The following TAPT1 variants were observed in gnomAD, a reference collection of about 807,000 sequenced individuals.
TAPT1 encodes transmembrane anterior posterior transformation 1.
A neutral mutation model predicts 65.6 loss-of-function variants in TAPT1; 28 were observed. That is an observed-to-expected ratio of 0.43 (90% CI 0.32 to 0.59). The LOEUF is 0.59. Ranked by LOEUF, TAPT1 falls within the 20% of genes least tolerant of loss-of-function variation. The pLI is 0.09. For missense variants in TAPT1, 563 were observed against 679.9 expected (o/e 0.83, Z 1.91); for synonymous variants, 278 against 245.2 (o/e 1.13, Z -1.25).
At chr4:16,193,481 A>C (rs1749509559) in intron 3 of TAPT1, among the ~76,000 whole-genome samples, 1 of 152,128 alleles carries the variant, frequency 6.6e-6, no homozygotes, top group African/African-American at 2.4e-5. Flanking sequence ...CAGGGAACAA[A>C]GAATGTCCTT....
chr4:16,194,242 T>C (rs978512617), intron 3 of TAPT1, among the ~76,000 whole-genome samples: 1 of 152,222 alleles, frequency 6.6e-6, no homozygotes, highest in African/African-American at 2.4e-5. Flanking sequence ...AAACACCTAA[T>C]GCTACAATTC....
chr4:16,227,193 G>A (rs1354566767), upstream of TAPT1: 12 of 455,804 alleles, frequency 2.6e-5, no homozygotes, highest in South Asian at 1.2e-4. Flanking sequence ...GACGCGCAGG[G>A]GAGGGGCCGC....
At chr4:16,221,294 T>G (rs1423294244) in intron 1 of TAPT1, among the ~76,000 whole-genome samples, 2 of 151,528 alleles carry the variant, frequency 1.3e-5, no homozygotes, top group Non-Finnish European at 2.9e-5. Flanking sequence ...CCCAGCTAAT[T>G]TTTTGTATTT....
chr4:16,221,023 C>T lies in TAPT1; in HGVS notation c.199+5236G>A, dbSNP rs1181307770. Among the ~76,000 whole-genome samples the T allele has an allele frequency of 5.3e-5, 8 of 151,888 alleles. No individual in the cohort carries two copies. In the East Asian group the frequency reaches 7.8e-4, roughly 15 times the overall value. On this transcript the variant is annotated intron_variant, in intron 1 of 13. Coordinates refer to ENST00000405303, the MANE Select transcript of TAPT1 (RefSeq NM_153365.3). ...TGCTACGATTATAGGTGTGAGCTAC[C>T]GTGCCCAGCCGTCAACTGTGAATAT...
At chr4:16,203,169 A>G (rs574225028) in intron 2 of TAPT1, among the ~76,000 whole-genome samples, 13 of 152,266 alleles carry the variant, frequency 8.5e-5, no homozygotes, top group Non-Finnish European at 8.8e-5. Context: ...GTTTAGGACT[A>G]TATTTCACAG....
intron 13 of TAPT1, among the ~76,000 whole-genome samples, chr4:16,164,753 C>T (rs142097245): frequency 1.3e-5 from 2 of 151,968 alleles, no homozygotes; most frequent in African/African-American, 2.4e-5. Flanking sequence ...AACTAATATG[C>T]GTAACAAGAG....
At chr4:16,208,857 C>G (rs1276376022) in intron 2 of TAPT1, among the ~76,000 whole-genome samples, 1 of 152,216 alleles carries the variant, frequency 6.6e-6, no homozygotes, top group Non-Finnish European at 1.5e-5. Flanking sequence ...TTCAACATAA[C>G]TGGATCTAGC....
At chr4:16,193,974 T>C (rs1168456779) in intron 3 of TAPT1, among the ~76,000 whole-genome samples, 2 of 152,254 alleles carry the variant, frequency 1.3e-5, no homozygotes, top group Admixed American at 1.3e-4. Flanking sequence ...TTAGATGGCA[T>C]CTACTTAGTT....
intron 1 of TAPT1, among the ~76,000 whole-genome samples, chr4:16,222,056 A>T (rs185721005): frequency 1.9e-4 from 29 of 152,336 alleles, no homozygotes; most frequent in Admixed American, 1.7e-3. Context: ...CAAAGGAGTG[A>T]CTTTTTCCAA....
At chr4:16,215,151 C>T (rs552315905) in intron 1 of TAPT1, among the ~76,000 whole-genome samples, 5 of 152,080 alleles carry the variant, frequency 3.3e-5, no homozygotes, top group Non-Finnish European at 4.4e-5. Flanking sequence ...ATTAGCCGGG[C>T]GTGCCGGTGG....
chr4:16,213,418 T>C (rs1370161367), intron 2 of TAPT1, among the ~76,000 whole-genome samples: 2 of 151,664 alleles, frequency 1.3e-5, no homozygotes, highest in African/African-American at 4.9e-5. Flanking sequence ...TAATTTATCA[T>C]GCTGAATGGG....
Position 16,162,986 on chromosome 4 carries a change from G to A in TAPT1, c.*322C>T, listed in dbSNP as rs1287224857. ...GCCTTGAGGCAAATTCAACATTCTG[G>A]AAGCCCAGACTGACAAAGCAAAACA... On this transcript the variant is annotated 3_prime_UTR_variant, in exon 14 of 14. Transcript: ENST00000405303. 2.1e-6 allele frequency: 1 copy of A among 481,772 alleles called. No individual in the cohort carries two copies. The highest frequency in any genetic ancestry group is 4.1e-6 in the Non-Finnish European group (1 of 243,994). The allele number at this position is 481,772 out of a possible 1,614,324, so 29.8% of individuals were successfully genotyped here.
chr4:16,215,778 A>T (rs1490112876), intron 1 of TAPT1, among the ~76,000 whole-genome samples: 1 of 152,246 alleles, frequency 6.6e-6, no homozygotes, highest in Non-Finnish European at 1.5e-5. Flanking sequence ...CCAAATCCAC[A>T]TAGAGTAGAA....
upstream of TAPT1, chr4:16,227,058 A>T (rs1259528216): frequency 2.2e-6 from 1 of 454,356 alleles, no homozygotes; most frequent in African/African-American, 2.0e-5. Context: ...CCTGCCCGCT[A>T]TTTTGGTTCC....
intron 12 of TAPT1, among the ~76,000 whole-genome samples, chr4:16,168,435 G>A (rs556594314): frequency 3.3e-4 from 51 of 152,242 alleles, no homozygotes; most frequent in African/African-American, 9.4e-4. Flanking sequence ...GTAGTCTCCC[G>A]TCCCCGGGCC....
intron 5 of TAPT1, among the ~76,000 whole-genome samples, chr4:16,187,513 A>C (rs317869): frequency 0.47 from 71,847 of 151,848 alleles, 18,178 homozygotes; most frequent in African/African-American, 0.66. Context: ...CTGGAACAAG[A>C]TTTTACCCTC....
At chr4:16,194,139 T>G (rs1379824539) in intron 3 of TAPT1, among the ~76,000 whole-genome samples, 1 of 152,218 alleles carries the variant, frequency 6.6e-6, no homozygotes, top group Non-Finnish European at 1.5e-5. Context: ...AGTTAGAAAT[T>G]AGATCTACCA....
At chr4:16,186,431 G>T in intron 7 of TAPT1, 104 bp downstream of exon 7, 1 of 719,624 alleles carries the variant, frequency 1.4e-6, no homozygotes, top group Non-Finnish European at 2.3e-6. Context: ...AGAAGGTACA[G>T]TTTAAGCTGA....
At chr4:16,168,427 AG>A (rs1475679467) in intron 12 of TAPT1, among the ~76,000 whole-genome samples, 1 of 151,986 alleles carries the variant, frequency 6.6e-6, no homozygotes, top group African/African-American at 2.4e-5. Flanking sequence ...CTCCTTTCGT[AG>A]TCTCCCGTCC....
Sources: gnomAD v4.1 joint callset for allele counts (sites outside exome capture counted in the v4.1 genomes callset) on GRCh38, gnomAD v4.1.1 for gene constraint, MANE v1.5 for transcripts, NCBI Gene and HGNC (gene_info 2026-07-23, HGNC 2026-07-21) for gene names.